The following PARD3B variants were observed in gnomAD, a reference collection of about 807,000 sequenced individuals.
PARD3B encodes the protein partitioning defective 3 homolog B.
Under a neutral mutation model 130.2 loss-of-function variants are expected in PARD3B, and 103 were observed. The ratio of observed to expected loss-of-function variants is 0.79; its 90% CI spans 0.67 to 0.93. The LOEUF is 0.93. PARD3B is among the 40% of genes least tolerant of loss of function. The probability of loss-of-function intolerance (pLI) is 0.00; values close to 1 mark genes in which losing one functional copy is unlikely to be tolerated. For synonymous variants in PARD3B, 583 were observed against 553.2 expected, an observed-to-expected ratio of 1.05 and a Z score of -0.76; for missense variants, 1,609 against 1,499.2, an observed-to-expected ratio of 1.07 and a Z score of -1.21.
intron 21 of PARD3B, among the ~76,000 whole-genome samples, chr2:205,504,501 A>C (rs1200590230): frequency 2.0e-5 from 3 of 152,366 alleles, no homozygotes; most frequent in Admixed American, 2.0e-4. Flanking sequence ...TCATCTGACA[A>C]AGAGCTAATA....
At chr2:205,299,844 C>T (rs907226926) in intron 16 of PARD3B, among the ~76,000 whole-genome samples, 1 of 152,176 alleles carries the variant, frequency 6.6e-6, no homozygotes, top group Non-Finnish European at 1.5e-5. Context: ...ACATTCAGAA[C>T]TATAGCATCG....
intron 2 of PARD3B, among the ~76,000 whole-genome samples, chr2:204,961,453 GATGTAAAGAGCT>G (rs1481954029): frequency 2.0e-5 from 3 of 152,088 alleles, no homozygotes; most frequent in Admixed American, 1.3e-4. Flanking sequence ...CATTAATTGG[GATGTAAAGAGCT>G]ATGGAAAGAG....
intron 22 of PARD3B, among the ~76,000 whole-genome samples, chr2:205,600,530 A>G (rs768787693): frequency 6.6e-6 from 1 of 152,206 alleles, no homozygotes; most frequent in Non-Finnish European, 1.5e-5. Context: ...TCTAGGATAC[A>G]TGTGCAGGAC....
rs1559483968 is a variant in PARD3B, at chr2:205,146,850, C to T, written c.1435-11872C>T. On this transcript the variant is annotated intron_variant, in intron 10 of 22. Coordinates refer to ENST00000406610, the MANE Select transcript of PARD3B (RefSeq NM_001302769.2). This position sits in a 1 kb window ranked among gnomAD's most constrained non-coding sequence, Gnocchi z 4.3. ...TGGAGCGATTCTCCTGCCTCAGCTT[C>T]CTGAGTAGCTGGGATTATAGGACCC... Among the ~76,000 whole-genome samples, 1 of 151,870 alleles carries T rather than the reference C, an allele frequency of 6.6e-6. No individual in the cohort carries two copies.
chr2:204,998,467 GTA>G (rs1353184103), intron 3 of PARD3B, among the ~76,000 whole-genome samples: 4 of 84,224 alleles, frequency 4.7e-5, no homozygotes, highest in South Asian at 2.9e-4. Flanking sequence ...TATTATATAT[GTA>G]TATATATGTG....
At chr2:204,813,138 A>T (rs2043022016) in intron 2 of PARD3B, among the ~76,000 whole-genome samples, 1 of 152,212 alleles carries the variant, frequency 6.6e-6, no homozygotes, top group Non-Finnish European at 1.5e-5. Flanking sequence ...AATTGTTTCC[A>T]AAAGTGGTTG....
intron 3 of PARD3B, among the ~76,000 whole-genome samples, chr2:205,018,749 A>AT (rs1222425326): frequency 8.3e-6 from 1 of 120,088 alleles, no homozygotes; most frequent in South Asian, 2.8e-4. Flanking sequence ...AAAAAAAAAA[A>AT]AGCACGCTGA....
chr2:205,600,226 T>A (rs797010671), intron 22 of PARD3B, among the ~76,000 whole-genome samples: 2 of 152,358 alleles, frequency 1.3e-5, no homozygotes, highest in African/African-American at 4.8e-5. Context: ...ACCCGATGTA[T>A]GACTGGAGCA....
intron 3 of PARD3B, among the ~76,000 whole-genome samples, chr2:204,981,984 TAC>T (rs891600888): frequency 5.9e-5 from 9 of 151,932 alleles, no homozygotes; most frequent in Non-Finnish European, 1.0e-4. Context: ...TGTGTGTATG[TAC>T]ACACACACAT....
intron 2 of PARD3B, among the ~76,000 whole-genome samples, chr2:204,752,177 A>T (rs2040490208): frequency 6.6e-6 from 1 of 152,224 alleles, no homozygotes; most frequent in African/African-American, 2.4e-5. Flanking sequence ...AAGTAAGATT[A>T]TCTTTAAAAG....
chr2:204,771,154 A>G (rs2041357727), intron 2 of PARD3B, among the ~76,000 whole-genome samples: 1 of 152,102 alleles, frequency 6.6e-6, no homozygotes. Context: ...TGAAATGGCT[A>G]TTAAAGTAAT....
chr2:204,691,171 C>A (rs965518572), intron 2 of PARD3B, among the ~76,000 whole-genome samples: 1 of 151,968 alleles, frequency 6.6e-6, no homozygotes, highest in African/African-American at 2.4e-5. Flanking sequence ...GAGTATTAAG[C>A]TTTTTAAAAT....
chr2:205,279,084 A>AAAAC (rs1553657208), intron 16 of PARD3B, among the ~76,000 whole-genome samples: 1 of 149,734 alleles, frequency 6.7e-6, no homozygotes, highest in Non-Finnish European at 1.5e-5. Context: ...AAAAAAAAAA[A>AAAAC]AAAAAAAAAA....
intron 2 of PARD3B, among the ~76,000 whole-genome samples, chr2:204,834,816 G>A (rs2043969838): frequency 6.6e-6 from 1 of 152,158 alleles, no homozygotes; most frequent in Admixed American, 6.5e-5. Flanking sequence ...CTTTTACTGT[G>A]TCAGCGATGG....
intron 2 of PARD3B, among the ~76,000 whole-genome samples, chr2:204,711,647 G>A (rs1223189358): frequency 1.3e-5 from 2 of 151,966 alleles, no homozygotes; most frequent in Non-Finnish European, 2.9e-5. Context: ...CCAGGTTCAA[G>A]TGTTTCTCCT....
chr2:204,711,376 T>A (rs2038425109), intron 2 of PARD3B, among the ~76,000 whole-genome samples: 1 of 152,192 alleles, frequency 6.6e-6, no homozygotes, highest in African/African-American at 2.4e-5. Context: ...ATATGTAAAT[T>A]ACATATTAAA....
At chr2:205,058,160 C>G (rs1239962343) in intron 4 of PARD3B, among the ~76,000 whole-genome samples, 1 of 151,790 alleles carries the variant, frequency 6.6e-6, no homozygotes, top group East Asian at 1.9e-4. Context: ...TAGAATCATG[C>G]AGTATTTGTC....
chr2:204,843,983 G>A (rs1379619501), intron 2 of PARD3B, among the ~76,000 whole-genome samples: 1 of 152,092 alleles, frequency 6.6e-6, no homozygotes, highest in Non-Finnish European at 1.5e-5. Context: ...TATGAGTAAT[G>A]GCAATGCACA....
chr2:205,311,804 C>T (rs1436717457), intron 18 of PARD3B, among the ~76,000 whole-genome samples: 6 of 152,154 alleles, frequency 3.9e-5, no homozygotes, highest in Non-Finnish European at 5.9e-5. Context: ...AAAGCAAAAC[C>T]TTCTATTGCA....
Sources: gnomAD v4.1 joint callset for allele counts (sites outside exome capture counted in the v4.1 genomes callset) on GRCh38, gnomAD v4.1.1 for gene constraint, Gnocchi (gnomAD v3.1) non-coding constraint, MANE v1.5 for transcripts, NCBI Gene and HGNC (gene_info 2026-07-23, HGNC 2026-07-21) for gene names.